Variants in TMEM117 observed in about 807,000 individuals in gnomAD.
The protein encoded by TMEM117 is transmembrane protein 117.
TMEM117 carries 27 observed loss-of-function variants against 52.4 expected under a neutral mutation model. The ratio of observed to expected loss-of-function variants is 0.51; its 90% CI spans 0.38 to 0.71. The LOEUF (loss-of-function observed/expected upper bound fraction) is 0.71, where lower values mean the gene tolerates loss of function less well. Among genes scored for constraint, TMEM117 ranks in the 30% least tolerant of loss-of-function variants. The pLI is 0.00. For missense variants in TMEM117, 556 were observed against 630.5 expected (o/e 0.88, Z 1.26); for synonymous variants, 215 against 206.3 (o/e 1.04, Z -0.36).
chr12:43,894,106 G>A (rs1175433488), intron 2 of TMEM117, among the ~76,000 whole-genome samples: 2 of 152,154 alleles, frequency 1.3e-5, no homozygotes, highest in African/African-American at 2.4e-5. Flanking sequence ...TGAAATCACA[G>A]GCCAGCTCAG....
chr12:43,853,462 G>A (rs1028530356), intron 2 of TMEM117, among the ~76,000 whole-genome samples: 1 of 152,034 alleles, frequency 6.6e-6, no homozygotes, highest in African/African-American at 2.4e-5. Flanking sequence ...TTATAGTAGA[G>A]ACAGGGTATC....
intron 3 of TMEM117, among the ~76,000 whole-genome samples, chr12:44,074,018 C>T (rs1160891248): frequency 6.6e-6 from 1 of 152,114 alleles, no homozygotes; most frequent in Non-Finnish European, 1.5e-5. Context: ...TTTTTGTTGG[C>T]CTCACATGCC....
intron 3 of TMEM117, among the ~76,000 whole-genome samples, chr12:44,034,390 C>T (rs146728561): frequency 1.2e-3 from 175 of 152,018 alleles, no homozygotes; most frequent in Admixed American, 4.0e-3. Context: ...TTTATCTTTG[C>T]GTGGTATAGC....
At chr12:43,904,159 C>G (rs182116156) in intron 2 of TMEM117, among the ~76,000 whole-genome samples, 1 of 152,138 alleles carries the variant, frequency 6.6e-6, no homozygotes, top group African/African-American at 2.4e-5. Context: ...TCCTCAAAAT[C>G]GTTCAATAAA....
At chr12:44,130,420 T>TA (rs1948395579) in intron 3 of TMEM117, among the ~76,000 whole-genome samples, 3 of 152,182 alleles carry the variant, frequency 2.0e-5, no homozygotes, top group Admixed American at 2.0e-4. Context: ...TTTGCTTTCT[T>TA]ACTTTGCTAA....
chr12:44,256,705 G>C (rs1394541670), intron 5 of TMEM117, among the ~76,000 whole-genome samples: 1 of 151,940 alleles, frequency 6.6e-6, no homozygotes. Flanking sequence ...AATAACATGG[G>C]CTTTCATCTT....
At chr12:43,996,666 A>AAATAAATAAATC (rs1946036825) in intron 3 of TMEM117, among the ~76,000 whole-genome samples, 1 of 151,734 alleles carries the variant, frequency 6.6e-6, no homozygotes, top group Non-Finnish European at 1.5e-5. Context: ...ATAAATAAAT[A>AAATAAATAAATC]AATAAATTTA....
intron 3 of TMEM117, among the ~76,000 whole-genome samples, chr12:44,063,501 G>A (rs565797747): frequency 6.6e-6 from 1 of 151,744 alleles, no homozygotes; most frequent in East Asian, 1.9e-4. Context: ...AAGTTCTAGG[G>A]TACATGTGCA....
chr12:44,394,101 C>CAACCATATTTTGAA (rs1952171880), downstream of TMEM117, among the ~76,000 whole-genome samples: 1 of 152,116 alleles, frequency 6.6e-6, no homozygotes, highest in Non-Finnish European at 1.5e-5. Flanking sequence ...GCTCTAGAGA[C>CAACCATATTTTGAA]AACCATATTT....
In TMEM117 at chr12:44,265,304, T is replaced by C. The variant is rs116154378; in HGVS notation, c.609-34276T>C. Among the ~76,000 whole-genome samples, 358 of 152,214 alleles carry C rather than the reference T, an allele frequency of 2.4e-3. 1 individual carries two copies. The highest frequency in any genetic ancestry group is 8.0e-3 in the African/African-American group (334 of 41,534). ...TGACTTTGGAGAAGGGAACAAGGTG[T>C]AGATCATGTAGTGGGGCTAAGGTAG... On this transcript the variant is annotated intron_variant, in intron 5 of 7. Transcript: ENST00000266534.
rs755148669 is a variant in TMEM117 at position 44,314,567 on chromosome 12, C to CTT, written c.768+14844_768+14845dup. Reference sequence around the variant, plus strand: ...GGATATTGGCCTGTAGTTTCTTCTTCTTTTTTTTTTTTTTTTTAAGACAAA... The same window carrying CTT: ...GGATATTGGCCTGTAGTTTCTTCTTCTTTTTTTTTTTTTTTTTTTAAGACAAA... On this transcript the variant is annotated intron_variant, in intron 6 of 7. Coordinates refer to ENST00000266534, the MANE Select transcript of TMEM117 (RefSeq NM_032256.3). Among the ~76,000 whole-genome samples, 854 of 130,580 alleles carry CTT rather than the reference C, an allele frequency of 6.5e-3. 9 individuals are homozygous for CTT. The highest frequency in any genetic ancestry group is 0.022 in the African/African-American group (790 of 36,136). The allele number at this position is 130,580 out of a possible 152,430, so 85.7% of individuals were successfully genotyped here.
chr12:43,834,982 G>A (rs991324011), upstream of TMEM117, among the ~76,000 whole-genome samples: 14 of 152,110 alleles, frequency 9.2e-5, no homozygotes, highest in African/African-American at 3.4e-4. Context: ...TCCTGAATCA[G>A]GCTACCAGTA....
At chr12:44,188,849 T>A (rs1949313774) in intron 4 of TMEM117, among the ~76,000 whole-genome samples, 1 of 152,200 alleles carries the variant, frequency 6.6e-6, no homozygotes, top group African/African-American at 2.4e-5. Flanking sequence ...CCCACTAGAA[T>A]GTAAACTCTG....
At chr12:44,269,276 T>C (rs1318457521) in intron 5 of TMEM117, among the ~76,000 whole-genome samples, 4 of 151,850 alleles carry the variant, frequency 2.6e-5, no homozygotes, top group African/African-American at 7.3e-5. Context: ...AGGAAAACAC[T>C]ACCACCCCAA....
At chr12:44,308,054 A>G (rs1035613708) in intron 6 of TMEM117, among the ~76,000 whole-genome samples, 2 of 152,226 alleles carry the variant, frequency 1.3e-5, no homozygotes, top group African/African-American at 4.8e-5. Context: ...GTTTTTATGT[A>G]TAACATGGAA....
At chr12:44,023,195 G>A (rs111239232) in intron 3 of TMEM117, among the ~76,000 whole-genome samples, 9,442 of 152,230 alleles carry the variant, frequency 0.062, 332 homozygotes, top group South Asian at 0.084. Context: ...TGGTGTATAT[G>A]TGCCACATTT....
intron 5 of TMEM117, among the ~76,000 whole-genome samples, chr12:44,276,281 G>A (rs1278112933): frequency 6.6e-6 from 1 of 152,132 alleles, no homozygotes; most frequent in Non-Finnish European, 1.5e-5. Flanking sequence ...AGAAAATGTG[G>A]CATGTATATA....
At chr12:44,002,752 C>G (rs554797922) in intron 3 of TMEM117, among the ~76,000 whole-genome samples, 2 of 152,190 alleles carry the variant, frequency 1.3e-5, no homozygotes, top group African/African-American at 2.4e-5. Flanking sequence ...TCTTCCTTCT[C>G]TACCAGTGTC....
intron 2 of TMEM117, among the ~76,000 whole-genome samples, chr12:43,895,385 A>T (rs960295016): frequency 6.6e-6 from 1 of 151,958 alleles, no homozygotes; most frequent in Non-Finnish European, 1.5e-5. Flanking sequence ...CATTTTCTTT[A>T]TCCAGTCTAT....
Sources: gnomAD v4.1 joint callset for allele counts (sites outside exome capture counted in the v4.1 genomes callset) on GRCh38, gnomAD v4.1.1 for gene constraint, MANE v1.5 for transcripts, NCBI Gene and HGNC (gene_info 2026-07-23, HGNC 2026-07-21) for gene names.